AUTS2: variants seen among roughly 807,000 people sequenced by gnomAD.
AUTS2 encodes the protein autism susceptibility gene 2 protein.
Under a neutral mutation model 112.4 loss-of-function variants are expected in AUTS2, and 17 were observed. The observed-to-expected ratio is 0.15, with a 90% CI of 0.10 to 0.23. The LOEUF is 0.23. AUTS2 is among the 10% of genes least tolerant of loss of function. AUTS2 has a pLI of 1.00. For missense variants in AUTS2, 1,510 were observed against 1,701.6 expected (o/e 0.89, Z 1.98); for synonymous variants, 751 against 702.7 (o/e 1.07, Z -1.09).
Position 70,790,540 on chromosome 7 carries a change from G to A in AUTS2, c.3324G>A (p.Arg1108=). The A allele has an allele frequency of 6.2e-7, 1 of 1,606,632 alleles. No homozygotes were observed. The highest frequency in any genetic ancestry group is 8.5e-7 in the Non-Finnish European group (1 of 1,177,042). The part of the protein sequence containing the change: ...NDPLHRLSTP[R]LYEADRSFRD... Reference sequence around the variant, plus strand: ...CGCTCCACCGGCTCTCGACTCCCCGGCTGTACGAAGCCGACCGCTCCTTCA... The same window carrying A: ...CGCTCCACCGGCTCTCGACTCCCCGACTGTACGAAGCCGACCGCTCCTTCA... Residue 1108 remains arginine, a synonymous_variant, in exon 19 of 19, where the codon CGG becomes CGA. Transcript: ENST00000342771. The surrounding 1 kb of genome is among the most constrained non-coding windows in gnomAD (Gnocchi z 7.6).
At chr7:70,175,662 C>T (rs967144724) in intron 4 of AUTS2, among the ~76,000 whole-genome samples, 1 of 152,138 alleles carries the variant, frequency 6.6e-6, no homozygotes, top group Non-Finnish European at 1.5e-5. Context: ...CAAGACCCTC[C>T]ACCAGCAAAA....
At chr7:69,645,809 A>G (rs1794994292) in intron 1 of AUTS2, among the ~76,000 whole-genome samples, 1 of 152,004 alleles carries the variant, frequency 6.6e-6, no homozygotes, top group South Asian at 2.1e-4. Context: ...GTGTTACCTT[A>G]GGGGATTTAG....
At chr7:69,761,469 T>C (rs2129286457) in intron 1 of AUTS2, among the ~76,000 whole-genome samples, 1 of 152,304 alleles carries the variant, frequency 6.6e-6, no homozygotes, top group East Asian at 1.9e-4. Flanking sequence ...TTTCCTGGGC[T>C]GTTAATGTTA....
intron 2 of AUTS2, among the ~76,000 whole-genome samples, chr7:70,109,370 C>T (rs1030781659): frequency 1.3e-5 from 2 of 152,038 alleles, no homozygotes; most frequent in Non-Finnish European, 2.9e-5. Context: ...AATTTCTGAG[C>T]CTATTTGAAA....
At chr7:70,720,365 C>T (rs940438902) in intron 6 of AUTS2, among the ~76,000 whole-genome samples, 3 of 152,112 alleles carry the variant, frequency 2.0e-5, no homozygotes, top group East Asian at 1.9e-4. Flanking sequence ...TATCCACACT[C>T]GTCTCCAAAT....
intron 5 of AUTS2, among the ~76,000 whole-genome samples, chr7:70,680,456 T>C (rs17502134): frequency 1.3e-5 from 2 of 152,074 alleles, no homozygotes. Flanking sequence ...TGGTCTACAA[T>C]AGCCCTGCAA....
At chr7:70,021,553 C>T (rs1454875893) in intron 2 of AUTS2, among the ~76,000 whole-genome samples, 2 of 152,064 alleles carry the variant, frequency 1.3e-5, no homozygotes, top group Non-Finnish European at 2.9e-5. Flanking sequence ...GCTGCAGCAT[C>T]CAGACAGCAG....
At chr7:70,366,193 T>A (rs925168047) in intron 4 of AUTS2, among the ~76,000 whole-genome samples, 1 of 152,228 alleles carries the variant, frequency 6.6e-6, no homozygotes, top group East Asian at 1.9e-4. Flanking sequence ...GTCTTTTCCC[T>A]GTGACCTAAT....
At chr7:70,722,555 G>A (rs1334648962) in intron 6 of AUTS2, among the ~76,000 whole-genome samples, 3 of 152,076 alleles carry the variant, frequency 2.0e-5, no homozygotes, top group Non-Finnish European at 2.9e-5. Flanking sequence ...TGGAACTGGC[G>A]AACTGCTTAA....
chr7:70,358,927 C>T (rs1215120352), intron 4 of AUTS2, among the ~76,000 whole-genome samples: 4 of 152,200 alleles, frequency 2.6e-5, no homozygotes, highest in African/African-American at 4.8e-5. Flanking sequence ...TCAGTGTCTG[C>T]GGACACAAGG....
intron 2 of AUTS2, among the ~76,000 whole-genome samples, chr7:69,915,849 C>T (rs979194352): frequency 1.6e-4 from 25 of 152,278 alleles, no homozygotes; most frequent in Admixed American, 7.8e-4. Flanking sequence ...ACCTCAGCCT[C>T]CTGAGTAGCT....
At chr7:70,623,698 T>C (rs1804791915) in intron 5 of AUTS2, among the ~76,000 whole-genome samples, 1 of 152,194 alleles carries the variant, frequency 6.6e-6, no homozygotes, top group Non-Finnish European at 1.5e-5. Context: ...TTGGCTTTCT[T>C]GAAAATACAC....
At chr7:70,176,574 C>A (rs1808999669) in intron 4 of AUTS2, among the ~76,000 whole-genome samples, 1 of 152,140 alleles carries the variant, frequency 6.6e-6, no homozygotes, top group African/African-American at 2.4e-5. Context: ...CTTACATATG[C>A]CATTTGATAA....
At chr7:70,159,929 C>T (rs1404274714) in intron 4 of AUTS2, among the ~76,000 whole-genome samples, 1 of 151,964 alleles carries the variant, frequency 6.6e-6, no homozygotes, top group African/African-American at 2.4e-5. Flanking sequence ...CATGATCTCT[C>T]CTTTAGTTTT....
intron 5 of AUTS2, among the ~76,000 whole-genome samples, chr7:70,453,173 A>G (rs1465785696): frequency 6.6e-6 from 1 of 152,200 alleles, no homozygotes; most frequent in Non-Finnish European, 1.5e-5. Flanking sequence ...CCTGCCTGCC[A>G]GTGTGCCCCT....
intron 1 of AUTS2, among the ~76,000 whole-genome samples, chr7:69,889,616 C>T (rs541934156): frequency 2.4e-4 from 36 of 152,018 alleles, no homozygotes; most frequent in East Asian, 5.8e-4. Context: ...ATGTCTTCTT[C>T]GGAAAAATGT....
intron 4 of AUTS2, among the ~76,000 whole-genome samples, chr7:70,266,064 T>C (rs1030074855): frequency 1.3e-5 from 2 of 152,156 alleles, no homozygotes; most frequent in Non-Finnish European, 2.9e-5. Context: ...CAAAAGAAAA[T>C]ACATGTTTCT....
chr7:70,544,802 T>TG (rs1800703170), intron 5 of AUTS2, among the ~76,000 whole-genome samples: 1 of 152,084 alleles, frequency 6.6e-6, no homozygotes, highest in South Asian at 2.1e-4. Context: ...CGGGGTGTGC[T>TG]GGGGGCTCTG....
intron 6 of AUTS2, among the ~76,000 whole-genome samples, chr7:70,718,676 C>G (rs562459709): frequency 6.6e-6 from 1 of 152,194 alleles, no homozygotes; most frequent in Non-Finnish European, 1.5e-5. Flanking sequence ...AACAAACAAA[C>G]AAACAAACAA....
Sources: allele counts gnomAD v4.1 joint callset (sites outside exome capture counted in the v4.1 genomes callset), GRCh38; gene constraint gnomAD v4.1.1; non-coding constraint Gnocchi (gnomAD v3.1); transcripts MANE v1.5; gene names NCBI Gene and HGNC (gene_info 2026-07-23, HGNC 2026-07-21).